The following BCAS3 variants were observed in gnomAD, a reference collection of about 807,000 sequenced individuals.
The protein encoded by BCAS3 is BCAS4/BCAS3 fusion.
In BCAS3, 53 loss-of-function variants were observed where a neutral mutation model predicts 116.1. The ratio of observed to expected loss-of-function variants is 0.46; its 90% CI spans 0.37 to 0.57. The LOEUF (loss-of-function observed/expected upper bound fraction) is 0.57, where lower values mean the gene tolerates loss of function less well. BCAS3 is among the 20% of genes least tolerant of loss of function. The pLI is 0.00. For missense variants in BCAS3, 917 were observed against 1,165.4 expected (o/e 0.79, Z 3.10); for synonymous variants, 391 against 408.2 (o/e 0.96, Z 0.51).
chr17:61,285,437 A>C lies in BCAS3; in HGVS notation c.2426-82890A>C, dbSNP rs9903809. Among the ~76,000 whole-genome samples, 7,495 of 152,224 alleles carry C rather than the reference A, an allele frequency of 0.049. 624 individuals are homozygous for C. Among genetic ancestry groups the C allele is most frequent in the African/African-American group, 0.17 (7,010 of 41,508 alleles). On this transcript the variant is annotated intron_variant, in intron 22 of 23. Coordinates refer to ENST00000407086, the MANE Select transcript of BCAS3 (RefSeq NM_017679.5). The surrounding 1 kb of genome is among the most constrained non-coding windows in gnomAD (Gnocchi z 5.4). Reference sequence around the variant, plus strand: ...TCAGTTACACTTTACCTGGCCCTAAAGTGAAAAGCTCTACATGCTTGGTTT... The same window carrying C: ...TCAGTTACACTTTACCTGGCCCTAACGTGAAAAGCTCTACATGCTTGGTTT...
rs146832010 is a variant in BCAS3, at chr17:61,086,068, G to T, written c.2425+1504G>T. On this transcript the variant is annotated intron_variant, in intron 22 of 23. Coordinates refer to ENST00000407086, the MANE Select transcript of BCAS3 (RefSeq NM_017679.5). ...GACATATTCAATACTAGATTCTGAG[G>T]TAACACTCCATATATATATATTTAT... Among the ~76,000 whole-genome samples the T allele has an allele frequency of 3.2e-3, 493 of 151,988 alleles. 2 individuals are homozygous for T. Among genetic ancestry groups the T allele is most frequent in the Middle Eastern group, 0.031 (9 of 294 alleles).
chr17:60,952,372 T>A (rs1039716798), intron 14 of BCAS3, among the ~76,000 whole-genome samples: 6 of 152,056 alleles, frequency 3.9e-5, no homozygotes, highest in Middle Eastern at 3.4e-3. Context: ...CAGGCTGGAG[T>A]GCAGTGTCTC....
intron 7 of BCAS3, among the ~76,000 whole-genome samples, chr17:60,813,915 G>C (rs1163479092): frequency 6.6e-6 from 1 of 152,146 alleles, no homozygotes; most frequent in Non-Finnish European, 1.5e-5. Context: ...GCACCATGCT[G>C]TTTTGGTTAC....
intron 7 of BCAS3, among the ~76,000 whole-genome samples, chr17:60,846,957 G>A (rs942668493): frequency 2.6e-5 from 4 of 152,136 alleles, no homozygotes; most frequent in South Asian, 4.2e-4. Context: ...CCCCATACCC[G>A]TTAAACAGTC....
At chr17:61,247,870 C>A (rs2048095269) in intron 22 of BCAS3, among the ~76,000 whole-genome samples, 2 of 152,188 alleles carry the variant, frequency 1.3e-5, no homozygotes, top group Non-Finnish European at 2.9e-5. Context: ...CTGCAGTCCT[C>A]TTGGGTTTGC....
In BCAS3 at chr17:61,041,903, A is replaced by C. The variant is rs1170099208; in HGVS notation, c.2029+1011A>C. Among the ~76,000 whole-genome samples the C allele has an allele frequency of 6.6e-6, 1 of 151,982 alleles. No individual in the cohort carries two copies. Among genetic ancestry groups the C allele is most frequent in the African/African-American group, 2.4e-5 (1 of 41,414 alleles). On this transcript the variant is annotated intron_variant, in intron 19 of 23. Coordinates refer to ENST00000407086, the MANE Select transcript of BCAS3 (RefSeq NM_017679.5). The surrounding 1 kb of genome is among the most constrained non-coding windows in gnomAD (Gnocchi z 4.7). ...CTATGTGTGAGGCAGTTCTGATTTAAAGGTGATTAGTATATTGCTTCTCTC... is the reference window on the plus strand; with the variant it reads ...CTATGTGTGAGGCAGTTCTGATTTACAGGTGATTAGTATATTGCTTCTCTC...
rs558257507 is a variant in BCAS3 at position 60,861,194 on chromosome 17, A to C, written c.477-7382A>C. Among the ~76,000 whole-genome samples the C allele has an allele frequency of 8.5e-5, 13 of 152,230 alleles. No homozygotes were observed. The South Asian group carries it at 2.5e-3, about 29-fold the overall frequency. ...AGCAGCATTTTGTAATTCTCATTTT[A>C]GAGGTCTTTTACCTTTCTGGTTAGC... On this transcript the variant is annotated intron_variant, in intron 7 of 23. Transcript: ENST00000407086.
intron 22 of BCAS3, among the ~76,000 whole-genome samples, chr17:61,269,586 C>T (rs1174892809): frequency 6.6e-6 from 1 of 152,100 alleles, no homozygotes; most frequent in Non-Finnish European, 1.5e-5. Context: ...ACATCCTTAC[C>T]AGCACTTGTT....
intron 6 of BCAS3, among the ~76,000 whole-genome samples, chr17:60,779,550 G>A (rs2045613585): frequency 6.6e-6 from 1 of 152,032 alleles, no homozygotes; most frequent in Admixed American, 6.6e-5. Context: ...TGTATTTTTA[G>A]TAGAGACAGG....
In BCAS3 at chr17:61,391,754, C is replaced by T. The variant is rs1349539293; in HGVS notation, c.2594-223C>T. On this transcript the variant is annotated intron_variant, in intron 23 of 23. Coordinates refer to ENST00000407086, the MANE Select transcript of BCAS3 (RefSeq NM_017679.5). The surrounding 1 kb of genome is among the most constrained non-coding windows in gnomAD (Gnocchi z 7.7). ...CTTCCCGCAGCAGGGAGACGGTGCT[C>T]TCACACCAGAGTCTGCCAGCCAGGG... 8.7e-6 allele frequency: 5 copies of T among 576,620 alleles called. No homozygotes were observed. Among genetic ancestry groups the T allele is most frequent in the East Asian group, 3.0e-5 (1 of 33,544 alleles). The allele number at this position is 576,620 out of a possible 1,614,324, so 35.7% of individuals were successfully genotyped here.
At position 61,032,403 on chromosome 17, in the gene BCAS3, G is replaced by T. The variant is rs116725873; in HGVS notation, c.1638-2263G>T. Among the ~76,000 whole-genome samples, 3,662 of 152,018 alleles carry T rather than the reference G, an allele frequency of 0.024. 175 individuals carry two copies. Among genetic ancestry groups the T allele is most frequent in the African/African-American group, 0.084 (3,481 of 41,448 alleles). Reference sequence around the variant, plus strand: ...ATTCTACAATACTTTTCTCTTTCCCGTTCCCCCAGCCACCATCTTCCCAAA... The same window carrying T: ...ATTCTACAATACTTTTCTCTTTCCCTTTCCCCCAGCCACCATCTTCCCAAA... On this transcript the variant is annotated intron_variant, in intron 16 of 23. Transcript: ENST00000407086. This position sits in a 1 kb window ranked among gnomAD's most constrained non-coding sequence, Gnocchi z 4.6.
intron 13 of BCAS3, among the ~76,000 whole-genome samples, chr17:60,942,216 G>A (rs1016095972): frequency 3.9e-5 from 6 of 152,086 alleles, no homozygotes; most frequent in African/African-American, 1.4e-4. Flanking sequence ...GCCTGAGCTC[G>A]GGAGTCAGAG....
At chr17:61,016,188 C>T (rs1360165838) in intron 16 of BCAS3, among the ~76,000 whole-genome samples, 6 of 152,194 alleles carry the variant, frequency 3.9e-5, no homozygotes, top group East Asian at 3.8e-4. Flanking sequence ...TGCTTACTGC[C>T]TTGTGGCTTT....
chr17:60,858,926 A>G (rs1042035807), intron 7 of BCAS3, among the ~76,000 whole-genome samples: 22 of 151,892 alleles, frequency 1.4e-4, no homozygotes, highest in Non-Finnish European at 2.8e-4. Context: ...GGCCATTAAA[A>G]AACTGTATTC....
At chr17:60,723,509 A>G (rs1028517064) in intron 5 of BCAS3, among the ~76,000 whole-genome samples, 3 of 152,036 alleles carry the variant, frequency 2.0e-5, no homozygotes, top group African/African-American at 7.3e-5. Flanking sequence ...TACAGACATG[A>G]GCCATTCATT....
chr17:60,814,484 A>G (rs1301057020), intron 7 of BCAS3, among the ~76,000 whole-genome samples: 1 of 152,038 alleles, frequency 6.6e-6, no homozygotes, highest in Non-Finnish European at 1.5e-5. Flanking sequence ...TCTTCTAGGT[A>G]TATAATCATA....
chr17:61,336,915 C>A (rs1320904440), intron 22 of BCAS3, among the ~76,000 whole-genome samples: 5 of 152,076 alleles, frequency 3.3e-5, no homozygotes, highest in African/African-American at 2.4e-5. Flanking sequence ...GAGTTTGAGA[C>A]CAGCCTGGCC....
chr17:60,808,799 G>A (rs2048517858), intron 7 of BCAS3, among the ~76,000 whole-genome samples: 4 of 152,138 alleles, frequency 2.6e-5, no homozygotes, highest in Admixed American at 2.6e-4. Flanking sequence ...ATGAAATAAT[G>A]ATGTATGACA....
intron 19 of BCAS3, among the ~76,000 whole-genome samples, chr17:61,060,416 C>T (rs112814179): frequency 4.0e-5 from 6 of 151,830 alleles, no homozygotes; most frequent in African/African-American, 9.7e-5. Context: ...ATTACAGGCG[C>T]GAGCCACTGC....
Sources: gnomAD v4.1 joint callset for allele counts (sites outside exome capture counted in the v4.1 genomes callset) on GRCh38, gnomAD v4.1.1 for gene constraint, Gnocchi (gnomAD v3.1) non-coding constraint, MANE v1.5 for transcripts, NCBI Gene and HGNC (gene_info 2026-07-23, HGNC 2026-07-21) for gene names.